Variants in BMP6 observed in about 807,000 individuals in gnomAD.
BMP6 encodes the protein VG-1-R.
In BMP6, 17 loss-of-function variants were observed where a neutral mutation model predicts 54.1. That is an observed-to-expected ratio of 0.31 (90% confidence interval 0.22 to 0.47). The LOEUF (loss-of-function observed/expected upper bound fraction) is 0.47. BMP6 is among the 20% of genes least tolerant of loss of function. The probability of loss-of-function intolerance (pLI) is 1.00; values close to 1 mark genes in which losing one functional copy is unlikely to be tolerated. For missense variants in BMP6, 720 were observed against 690.4 expected, an observed-to-expected ratio of 1.04 and a Z score of -0.48; for synonymous variants, 328 against 291.2, an observed-to-expected ratio of 1.13 and a Z score of -1.28.
At chr6:7,739,619 T>A (rs936056688) in intron 1 of BMP6, among the ~76,000 whole-genome samples, 4 of 152,168 alleles carry the variant, frequency 2.6e-5, no homozygotes, top group Admixed American at 6.5e-5. Flanking sequence ...TAGAGCAATG[T>A]TAACTGAATG....
At chr6:7,744,025 A>G (rs1224960495) in intron 1 of BMP6, among the ~76,000 whole-genome samples, 1 of 152,224 alleles carries the variant, frequency 6.6e-6, no homozygotes, top group Non-Finnish European at 1.5e-5. Context: ...CAAAATTTCA[A>G]CATATGGAAA....
chr6:7,824,682 C>T (rs1193187967), intron 1 of BMP6, among the ~76,000 whole-genome samples: 1 of 152,176 alleles, frequency 6.6e-6, no homozygotes, highest in Non-Finnish European at 1.5e-5. Context: ...ATCCCAAAAG[C>T]TTATTAACAT....
intron 1 of BMP6, among the ~76,000 whole-genome samples, chr6:7,772,295 G>A (rs1445463553): frequency 1.3e-5 from 2 of 152,166 alleles, no homozygotes; most frequent in Admixed American, 6.5e-5. Context: ...AGTCCTGTTC[G>A]TTACTTTTCT....
At chr6:7,735,686 T>C (rs1471647922) in intron 1 of BMP6, among the ~76,000 whole-genome samples, 1 of 152,136 alleles carries the variant, frequency 6.6e-6, no homozygotes, top group African/African-American at 2.4e-5. Flanking sequence ...CACAGACTCC[T>C]CCATTATCAC....
chr6:7,751,148 A>G (rs917810456), intron 1 of BMP6, among the ~76,000 whole-genome samples: 6 of 152,240 alleles, frequency 3.9e-5, no homozygotes, highest in Admixed American at 3.9e-4. Flanking sequence ...AGCCAACACT[A>G]TAAAAATGAA....
intron 1 of BMP6, among the ~76,000 whole-genome samples, chr6:7,826,090 G>A (rs1277930412): frequency 1.3e-5 from 2 of 152,184 alleles, no homozygotes; most frequent in East Asian, 1.9e-4. Flanking sequence ...TTGAGACCAC[G>A]GTCCCCCAGG....
In BMP6 at chr6:7,727,987, A is replaced by G. The variant is rs768170137; in HGVS notation, c.664+368A>G. 8.5e-4 allele frequency among the ~76,000 whole-genome samples: 129 copies of G among 152,074 alleles called. 2 individuals are homozygous for G. The highest frequency in any genetic ancestry group is 2.2e-4 in the Non-Finnish European group (15 of 67,978). The stretch of plus-strand genomic sequence containing the variant: ...TAACTCAACTGCAGCAGGAGAGTCC[A>G]GCCCGAGTGTGGCCATCCTGGGAAG... On this transcript the variant is annotated intron_variant, in intron 1 of 6. Transcript: ENST00000283147.
chr6:7,857,083 C>T (rs1419813452), intron 2 of BMP6, among the ~76,000 whole-genome samples: 1 of 152,142 alleles, frequency 6.6e-6, no homozygotes, highest in East Asian at 1.9e-4. Flanking sequence ...GGCAATGGTG[C>T]TCTCTGTCAG....
chr6:7,794,357 A>C (rs1328980480), intron 1 of BMP6, among the ~76,000 whole-genome samples: 1 of 152,186 alleles, frequency 6.6e-6, no homozygotes, highest in Non-Finnish European at 1.5e-5. Flanking sequence ...AAGAATGTAC[A>C]CTTTGGGAGA....
intron 1 of BMP6, among the ~76,000 whole-genome samples, chr6:7,829,933 T>C (rs149802605): frequency 1.3e-5 from 2 of 152,322 alleles, no homozygotes; most frequent in East Asian, 3.9e-4. Context: ...GTTTCCAGAT[T>C]TTATGGCCAC....
At chr6:7,836,036 T>C (rs1168696508) in intron 1 of BMP6, among the ~76,000 whole-genome samples, 3 of 152,068 alleles carry the variant, frequency 2.0e-5, no homozygotes, top group Non-Finnish European at 4.4e-5. Flanking sequence ...AGGCAAGGTT[T>C]CCCCGTGTTG....
chr6:7,851,263 T>C lies in BMP6; in HGVS notation c.857+5931T>C, dbSNP rs150784733. 4.1e-4 allele frequency among the ~76,000 whole-genome samples: 62 copies of C among 152,346 alleles called. 1 individual carries two copies. Among genetic ancestry groups the C allele is most frequent in the African/African-American group, 1.4e-3 (60 of 41,588 alleles). On this transcript the variant is annotated intron_variant, in intron 2 of 6. Coordinates refer to ENST00000283147, the MANE Select transcript of BMP6 (RefSeq NM_001718.6). The stretch of plus-strand genomic sequence containing the variant: ...TTCAGTTCAAGAAAGTGGTATTTAC[T>C]TAGGCCTTCTTTAATAACTCTCAGT...
At chr6:7,729,408 G>A (rs950532565) in intron 1 of BMP6, among the ~76,000 whole-genome samples, 1 of 145,404 alleles carries the variant, frequency 6.9e-6, no homozygotes, top group Admixed American at 6.9e-5. Context: ...CCTGGACAAA[G>A]GGGAGGAAGA....
chr6:7,745,540 A>G (rs1581230243), intron 1 of BMP6, among the ~76,000 whole-genome samples: 1 of 152,196 alleles, frequency 6.6e-6, no homozygotes, highest in East Asian at 1.9e-4. Context: ...CAAGGCACTG[A>G]GATTACAGGC....
chr6:7,839,458 T>A (rs1436948370), intron 1 of BMP6, among the ~76,000 whole-genome samples: 1 of 152,272 alleles, frequency 6.6e-6, no homozygotes, highest in Non-Finnish European at 1.5e-5. Flanking sequence ...TTACTAAACC[T>A]GAACTTCCCA....
intron 1 of BMP6, among the ~76,000 whole-genome samples, chr6:7,782,869 A>G (rs1206437237): frequency 6.6e-6 from 1 of 152,158 alleles, no homozygotes; most frequent in Non-Finnish European, 1.5e-5. Flanking sequence ...TGTCAAGAGG[A>G]AAGGCAATTA....
At chr6:7,874,103 C>A (rs1268668839) in intron 4 of BMP6, among the ~76,000 whole-genome samples, 1 of 152,136 alleles carries the variant, frequency 6.6e-6, no homozygotes, top group Non-Finnish European at 1.5e-5. Flanking sequence ...CTGCACCCAG[C>A]TGGCAGGAGA....
intron 1 of BMP6, among the ~76,000 whole-genome samples, chr6:7,776,876 A>G (rs547805786): frequency 2.8e-4 from 42 of 152,354 alleles, no homozygotes; most frequent in African/African-American, 8.7e-4. Flanking sequence ...ATAGCAATGA[A>G]GAAAAGGTGA....
Position 7,862,318 on chromosome 6 carries a change from C to T in BMP6, c.1024C>T (p.Arg342Ter), listed in dbSNP as rs750431163. ...CATTAAAGGAGTCCACGTCCACCCCCGAGCCGCAGGCCTGGTGGGCAGAGA... is the reference window on the plus strand; with the variant it reads ...CATTAAAGGAGTCCACGTCCACCCCTGAGCCGCAGGCCTGGTGGGCAGAGA... ...VTRDGVHVHP[R>*]AAGLVGRDGP... The change falls in exon 4 of 7, where the codon CGA (arginine) becomes TGA (stop). Residue 342 changes from arginine to a stop codon, truncating the protein, a stop_gained. Transcript: ENST00000283147. LOFTEE classifies it high-confidence loss of function. 1.2e-6 allele frequency: 2 copies of T among 1,614,226 alleles called. No individual in the cohort carries two copies. The highest frequency in any genetic ancestry group is 1.3e-5 in the African/African-American group (1 of 75,064).
Sources: gnomAD v4.1 joint callset for allele counts (sites outside exome capture counted in the v4.1 genomes callset) on GRCh38, gnomAD v4.1.1 for gene constraint, MANE v1.5 for transcripts, NCBI Gene and HGNC (gene_info 2026-07-23, HGNC 2026-07-21) for gene names.